The following DGKH variants were observed in gnomAD, a reference collection of about 807,000 sequenced individuals.
The protein encoded by DGKH is diacylglycerol kinase eta.
Under a neutral mutation model 159.3 loss-of-function variants are expected in DGKH, and 90 were observed. That is an observed-to-expected ratio of 0.57 (90% confidence interval 0.48 to 0.67). DGKH has a LOEUF of 0.67. DGKH is among the 30% of genes least tolerant of loss of function. The pLI is 0.00. For synonymous variants in DGKH, 536 were observed against 553.8 expected (o/e 0.97, Z 0.45); for missense variants, 1,181 against 1,506.1 (o/e 0.78, Z 3.57).
At chr13:42,222,735 C>T (rs75445833) in intron 29 of DGKH, among the ~76,000 whole-genome samples, 2,566 of 152,098 alleles carry the variant, frequency 0.017, 79 homozygotes, top group African/African-American at 0.057. Flanking sequence ...AAGCATGCAC[C>T]GCATTTGCTG....
chr13:42,252,370 A>G (rs897698639), intron 29 of DGKH: 1 of 152,150 alleles, frequency 6.6e-6, no homozygotes, highest in Non-Finnish European at 1.5e-5. Flanking sequence ...AGTTTTCTTT[A>G]AACATTTTTC....
intron 1 of DGKH, among the ~76,000 whole-genome samples, chr13:42,114,089 G>A (rs1029351972): frequency 6.6e-6 from 1 of 152,186 alleles, no homozygotes; most frequent in Non-Finnish European, 1.5e-5. Flanking sequence ...TCTCCACAAA[G>A]ATAATATTAA....
intron 20 of DGKH, among the ~76,000 whole-genome samples, chr13:42,200,902 C>A (rs1044289665): frequency 6.6e-6 from 1 of 152,170 alleles, no homozygotes; most frequent in Non-Finnish European, 1.5e-5. Flanking sequence ...CTTGACACCC[C>A]ATACCCAGGT....
At chr13:42,056,475 G>C (rs1233415708) in intron 1 of DGKH, among the ~76,000 whole-genome samples, 2 of 152,116 alleles carry the variant, frequency 1.3e-5, no homozygotes, top group Non-Finnish European at 1.5e-5. Flanking sequence ...CAGAAATTTA[G>C]AAATACTTTT....
intron 1 of DGKH, chr13:42,068,972 G>A (rs1272649781): frequency 1.0e-5 from 15 of 1,487,750 alleles, no homozygotes; most frequent in Non-Finnish European, 1.4e-5. Flanking sequence ...GTTTGATGAG[G>A]AATTTGAGGG....
chr13:42,239,863 G>A lies in DGKH; in HGVS notation c.*10675G>A, dbSNP rs907556813. On this transcript the variant is annotated 3_prime_UTR_variant, in exon 30 of 30. Transcript: ENST00000337343. ...TATCCTCACCAACCTTCCCTCTGTTGACTTTTGTAATCCAGGAATTTGGAA... is the reference window on the plus strand; with the variant it reads ...TATCCTCACCAACCTTCCCTCTGTTAACTTTTGTAATCCAGGAATTTGGAA... 2.9e-4 allele frequency: 44 copies of A among 152,180 alleles called. No individual in the cohort carries two copies. The highest frequency in any genetic ancestry group is 1.1e-3 in the African/African-American group (44 of 41,508). 9.4% of individuals were successfully genotyped at this position (152,180 alleles called of 1,614,324 possible).
At chr13:42,041,104 A>G (rs941038076) in intron 1 of DGKH, among the ~76,000 whole-genome samples, 19 of 151,974 alleles carry the variant, frequency 1.3e-4, no homozygotes, top group Non-Finnish European at 2.4e-4. Flanking sequence ...CGCCGCCTGG[A>G]GCGCCTTTGT....
chr13:42,189,416 T>A (rs1957010928), intron 15 of DGKH, 107 bp downstream of exon 15: 1 of 1,434,702 alleles, frequency 7.0e-7, no homozygotes, highest in Non-Finnish European at 9.3e-7. Context: ...AAAAATAAAA[T>A]TTTTAAGGCA....
chr13:42,055,546 T>C (rs990070299), intron 1 of DGKH, among the ~76,000 whole-genome samples: 4 of 152,220 alleles, frequency 2.6e-5, no homozygotes, highest in Non-Finnish European at 5.9e-5. Flanking sequence ...TTTCACTTAG[T>C]TTAAGTTTGC....
intron 1 of DGKH, among the ~76,000 whole-genome samples, chr13:42,102,524 G>T (rs1021734500): frequency 6.6e-6 from 1 of 152,246 alleles, no homozygotes; most frequent in African/African-American, 2.4e-5. Context: ...GACCCTGGGA[G>T]CTGCAGAAGG....
At chr13:42,162,388 C>T (rs1350627456) in intron 7 of DGKH, among the ~76,000 whole-genome samples, 3 of 152,162 alleles carry the variant, frequency 2.0e-5, no homozygotes, top group African/African-American at 7.2e-5. Context: ...TAGTGCATAC[C>T]TGTAATCCCA....
chr13:42,199,754 G>C lies in DGKH; in HGVS notation c.2397-59G>C. On this transcript the variant is annotated intron_variant, in intron 19 of 29. Coordinates refer to ENST00000337343, the MANE Select transcript of DGKH (RefSeq NM_178009.5). The stretch of plus-strand genomic sequence containing the variant: ...TTTATTATGTCTTTTTGCTTGCTCT[G>C]CCTTTAAGGAGTAAATAAATAAAAT... 3 of 1,570,452 alleles carry C rather than the reference G, an allele frequency of 1.9e-6. No individual in the cohort carries two copies. In the South Asian group the frequency reaches 3.6e-5, roughly 19 times the overall value.
intron 13 of DGKH, chr13:42,181,677 C>A: frequency 2.4e-6 from 1 of 410,876 alleles, no homozygotes; most frequent in Non-Finnish European, 4.9e-6. Flanking sequence ...TAAGCCACCC[C>A]ATTCCCATGA....
intron 3 of DGKH, among the ~76,000 whole-genome samples, chr13:42,133,235 T>A (rs1454718167): frequency 6.6e-6 from 1 of 152,054 alleles, no homozygotes; most frequent in Non-Finnish European, 1.5e-5. Context: ...GGATAGGGAC[T>A]CTGTCATACC....
At chr13:42,140,683 A>T (rs2137883443) in intron 3 of DGKH, 1 of 152,238 alleles carries the variant, frequency 6.6e-6, no homozygotes, top group East Asian at 1.9e-4. Context: ...GAAGAAGGGC[A>T]ATGGAATTTA....
chr13:42,178,050 G>T, intron 12 of DGKH, 85 bp from the exon 13 acceptor site: 2 of 922,248 alleles, frequency 2.2e-6, no homozygotes, highest in Non-Finnish European at 3.2e-6. Context: ...CATATGTCAT[G>T]AAGGGTTCCA....
chr13:42,089,204 C>T (rs554512246), intron 1 of DGKH, among the ~76,000 whole-genome samples: 3 of 152,190 alleles, frequency 2.0e-5, no homozygotes, highest in South Asian at 2.1e-4. Context: ...ACTGATAGAA[C>T]AAGTAGACAA....
In DGKH at chr13:42,242,424, G is replaced by A. The variant is rs1048515354; in HGVS notation, c.*13236G>A. 6 of 152,162 alleles carry A rather than the reference G, an allele frequency of 3.9e-5. 1 individual carries two copies. 9.4% of individuals were successfully genotyped at this position (152,162 alleles called of 1,614,324 possible). A position where few individuals can be genotyped will look rare whatever the true frequency, so the allele number is the denominator to read the frequency against. ...GCAGAAAAGAGTGAAACTTTTAACT[G>A]CTTAGCACACTTGCCAGTGAAATAT... On this transcript the variant is annotated 3_prime_UTR_variant, in exon 30 of 30. Coordinates refer to ENST00000337343, the MANE Select transcript of DGKH (RefSeq NM_178009.5).
chr13:42,103,787 G>A (rs1379804407), intron 1 of DGKH, among the ~76,000 whole-genome samples: 1 of 152,192 alleles, frequency 6.6e-6, no homozygotes, highest in Non-Finnish European at 1.5e-5. Context: ...CTAAGCACAT[G>A]ACTTGGAGAG....
Sources: gnomAD v4.1 joint callset for allele counts (sites outside exome capture counted in the v4.1 genomes callset) on GRCh38, gnomAD v4.1.1 for gene constraint, MANE v1.5 for transcripts, NCBI Gene and HGNC (gene_info 2026-07-23, HGNC 2026-07-21) for gene names.